RAPGEF6: variants seen among roughly 807,000 people sequenced by gnomAD.
The protein encoded by RAPGEF6 is PDZ domain containing guanine nucleotide exchange factor (GEF) 2.
A neutral mutation model predicts 171.4 loss-of-function variants in RAPGEF6; 56 were observed. That is an observed-to-expected ratio of 0.33 (90% CI 0.26 to 0.41). The LOEUF is 0.41. RAPGEF6 is among the 10% of genes least tolerant of loss of function. The pLI, the probability that RAPGEF6 is intolerant of heterozygous loss-of-function variation, is 1.00. For synonymous variants in RAPGEF6, 692 were observed against 650.1 expected (o/e 1.06, Z -0.98); for missense variants, 1,674 against 1,921.4 (o/e 0.87, Z 2.41).
At chr5:131,430,693 T>C (rs774074521) in intron 26 of RAPGEF6, 166 bp downstream of exon 26, 3 of 999,926 alleles carry the variant, frequency 3.0e-6, no homozygotes, top group South Asian at 1.3e-5. Flanking sequence ...TCCAAAGTCT[T>C]TGAGAAACCA....
intron 1 of RAPGEF6, among the ~76,000 whole-genome samples, chr5:131,623,149 T>C (rs1765691261): frequency 6.6e-6 from 1 of 152,248 alleles, no homozygotes; most frequent in Admixed American, 6.5e-5. Context: ...CCAGACGTTT[T>C]GAATCATCTG....
intron 6 of RAPGEF6, among the ~76,000 whole-genome samples, chr5:131,545,238 T>C (rs1760440750): frequency 6.6e-6 from 1 of 152,154 alleles, no homozygotes; most frequent in Admixed American, 6.5e-5. Context: ...TTTTCAGTCA[T>C]TCTAAGAATT....
At position 131,530,005 on chromosome 5, in the gene RAPGEF6, T is replaced by G. The variant is rs190635229; in HGVS notation, c.496-8484A>C. On this transcript the variant is annotated intron_variant, in intron 6 of 27. Coordinates refer to ENST00000509018, the MANE Select transcript of RAPGEF6 (RefSeq NM_016340.6). ...TCACTGCAACCTCTGCCTCCCGGAT[T>G]CAAGCGATTCTCCCACCTCAACCTC... Among the ~76,000 whole-genome samples the G allele has an allele frequency of 4.5e-3, 676 of 150,436 alleles. 6 individuals carry two copies. The highest frequency in any genetic ancestry group is 6.8e-3 in the Non-Finnish European group (460 of 67,658).
At chr5:131,435,908 A>G in intron 24 of RAPGEF6, 1 of 1,487,182 alleles carries the variant, frequency 6.7e-7, no homozygotes, top group Non-Finnish European at 8.9e-7. Flanking sequence ...ATACATTAAT[A>G]ACTGAAAACA....
chr5:131,581,238 CTTAAA>C (rs1217198068), intron 4 of RAPGEF6, among the ~76,000 whole-genome samples: 1 of 152,174 alleles, frequency 6.6e-6, no homozygotes, highest in Non-Finnish European at 1.5e-5. Flanking sequence ...GTTGTTTTTA[CTTAAA>C]TTAATCTGGC....
chr5:131,534,378 A>T (rs1759610982), intron 6 of RAPGEF6, among the ~76,000 whole-genome samples: 1 of 152,158 alleles, frequency 6.6e-6, no homozygotes, highest in Non-Finnish European at 1.5e-5. Context: ...TAAACTAAGT[A>T]TAATTTTGAA....
At chr5:131,554,245 AC>A (rs1761095920) in intron 5 of RAPGEF6, among the ~76,000 whole-genome samples, 1 of 152,242 alleles carries the variant, frequency 6.6e-6, no homozygotes, top group South Asian at 2.1e-4. Context: ...TTATTTTCAG[AC>A]AAAAAAGAAA....
intron 5 of RAPGEF6, among the ~76,000 whole-genome samples, chr5:131,558,701 T>C (rs1002987531): frequency 3.9e-5 from 6 of 152,216 alleles, no homozygotes; most frequent in Admixed American, 3.9e-4. Context: ...GTAATTCTTC[T>C]TTGACAAGCG....
chr5:131,446,843 A>G, intron 21 of RAPGEF6, 140 bp from the exon 22 acceptor site: 1 of 792,738 alleles, frequency 1.3e-6, no homozygotes, highest in Non-Finnish European at 2.0e-6. Context: ...CATTAATGCA[A>G]AGTAATTTGG....
chr5:131,443,831 T>C (rs1179118249), intron 22 of RAPGEF6, among the ~76,000 whole-genome samples: 1 of 152,220 alleles, frequency 6.6e-6, no homozygotes, highest in Non-Finnish European at 1.5e-5. Flanking sequence ...TGAAAACAGA[T>C]GCTTAATGGG....
intron 25 of RAPGEF6, among the ~76,000 whole-genome samples, chr5:131,432,201 G>A (rs754010524): frequency 1.3e-5 from 2 of 152,106 alleles, no homozygotes; most frequent in African/African-American, 4.8e-5. Flanking sequence ...TTGCAGAGGC[G>A]AAAATATTTA....
chr5:131,482,145 T>A (rs1394770361), intron 15 of RAPGEF6, among the ~76,000 whole-genome samples: 1 of 152,164 alleles, frequency 6.6e-6, no homozygotes, highest in East Asian at 1.9e-4. Context: ...AAAAGCACAT[T>A]TTTCTGCTAT....
chr5:131,621,245 T>C (rs1013007754), intron 1 of RAPGEF6, among the ~76,000 whole-genome samples: 3 of 152,168 alleles, frequency 2.0e-5, no homozygotes, highest in South Asian at 2.1e-4. Flanking sequence ...TAAAATGGTG[T>C]AGTATTTGCA....
At chr5:131,448,122 T>C (rs186448606) in intron 21 of RAPGEF6, among the ~76,000 whole-genome samples, 6 of 152,190 alleles carry the variant, frequency 3.9e-5, no homozygotes, top group African/African-American at 9.7e-5. Flanking sequence ...GGTTCTTTTG[T>C]GGTTTTTCAA....
At chr5:131,550,500 G>C (rs766547134) in intron 5 of RAPGEF6, among the ~76,000 whole-genome samples, 55 of 152,134 alleles carry the variant, frequency 3.6e-4, no homozygotes, top group Non-Finnish European at 6.3e-4. Flanking sequence ...TGTCTAATCT[G>C]CTTTGTTCAG....
chr5:131,459,283 C>G (rs924092432), intron 19 of RAPGEF6, among the ~76,000 whole-genome samples: 4 of 152,124 alleles, frequency 2.6e-5, no homozygotes, highest in African/African-American at 9.7e-5. Context: ...ATTTCTTTAT[C>G]TCACTGTTTA....
rs150820541 is a variant in RAPGEF6 at position 131,508,107 on chromosome 5, C to T, written c.906G>A (p.Glu302=). 347 of 1,613,132 alleles carry T rather than the reference C, an allele frequency of 2.2e-4. No homozygotes were observed. In the African/African-American group the frequency reaches 4.1e-3, roughly 19 times the overall value. The part of the protein sequence containing the change: ...LCSVMIFEVV[E]QAGAIILEDG... ...CTTCAAGAATAATAGCTCCAGCCTG[C>T]TCTACCACTTCAAAAATCATCACTG... is the stretch of plus-strand genomic sequence containing the variant. The change falls in exon 9 of 28, where the codon GAG becomes GAA. Residue 302 remains glutamate, a synonymous_variant. Coordinates refer to ENST00000509018, the MANE Select transcript of RAPGEF6 (RefSeq NM_016340.6).
Position 131,446,489 on chromosome 5 carries a change from C to T in RAPGEF6, c.3415G>A (p.Gly1139Ser). ...AATGAAAACTTGTACTCACAGGTACCATATGCAGGCTCCCACTGTAATGAC... is the reference window on the plus strand; with the variant it reads ...AATGAAAACTTGTACTCACAGGTACTATATGCAGGCTCCCACTGTAATGAC... ...MMSLQWEPAY[G>S]TLTKNLSEKR... The change falls in exon 22 of 28, where the codon GGT (glycine) becomes AGT (serine). Residue 1139 changes from glycine to serine, a missense_variant. Physicochemically the swap from Gly to Ser is moderately conservative, Grantham distance 56. Around this residue, in one of 3 missense-constraint regions of RAPGEF6, gnomAD observed 552 missense variants for 574.2 expected, o/e 0.96. Transcript: ENST00000509018. The T allele has an allele frequency of 6.2e-7, 1 of 1,613,490 alleles. No homozygotes were observed. The highest frequency in any genetic ancestry group is 1.1e-5 in the South Asian group (1 of 90,966).
At chr5:131,431,951 T>C (rs747394633) in intron 25 of RAPGEF6, among the ~76,000 whole-genome samples, 12 of 152,176 alleles carry the variant, frequency 7.9e-5, no homozygotes, top group Non-Finnish European at 1.2e-4. Context: ...TTTTTCAACG[T>C]ACCTCTGAGG....
Sources: allele counts gnomAD v4.1 joint callset (sites outside exome capture counted in the v4.1 genomes callset), GRCh38; gene constraint gnomAD v4.1.1; regional missense constraint gnomAD v4.1.1; transcripts MANE v1.5; gene names NCBI Gene and HGNC (gene_info 2026-07-23, HGNC 2026-07-21).